The following RSPO4 variants were observed in gnomAD, a reference collection of about 807,000 sequenced individuals.
The protein encoded by RSPO4 is R-spondin 4, also known as R-spondin-4.
A neutral mutation model predicts 24.8 loss-of-function variants in RSPO4; 23 were observed. The observed-to-expected ratio is 0.93, with a 90% CI of 0.67 to 1.31. RSPO4 has a LOEUF of 1.31. Among genes scored for constraint, RSPO4 ranks in the 40% most tolerant of loss-of-function variants. The pLI, the probability that RSPO4 is intolerant of heterozygous loss-of-function variation, is 0.00. For missense variants in RSPO4, 333 were observed against 316.5 expected, an observed-to-expected ratio of 1.05 and a Z score of -0.39; for synonymous variants, 141 against 127.4, an observed-to-expected ratio of 1.11 and a Z score of -0.72.
At chr20:975,633 TA>T (rs1984538541) in intron 1 of RSPO4, among the ~76,000 whole-genome samples, 1 of 152,190 alleles carries the variant, frequency 6.6e-6, no homozygotes, top group Non-Finnish European at 1.5e-5. Context: ...TGCAAAGTGA[TA>T]AAGGCTTATG....
At chr20:977,629 G>C (rs1004016878) in intron 1 of RSPO4, among the ~76,000 whole-genome samples, 1 of 152,178 alleles carries the variant, frequency 6.6e-6, no homozygotes, top group Admixed American at 6.5e-5. Flanking sequence ...TGGGGGTAGA[G>C]TTTCTTCATA....
At chr20:966,348 A>G (rs1367029965) in intron 3 of RSPO4, among the ~76,000 whole-genome samples, 2 of 152,174 alleles carry the variant, frequency 1.3e-5, no homozygotes, top group Non-Finnish European at 2.9e-5. Flanking sequence ...CGTACTGAGC[A>G]TCTACTGTGT....
At chr20:968,224 T>C (rs1234228171) in intron 1 of RSPO4, 86 bp from the exon 2 acceptor site, 1 of 1,277,324 alleles carries the variant, frequency 7.8e-7, no homozygotes, top group African/African-American at 1.5e-5. Flanking sequence ...ATGGTCTCAT[T>C]GGGATAGTAA....
In RSPO4 at chr20:967,216, G is replaced by C. The variant is rs201485021; in HGVS notation, c.367C>G (p.Pro123Ala). 2.7e-4 allele frequency: 440 copies of C among 1,614,150 alleles called. 1 individual carries two copies. Among genetic ancestry groups the C allele is most frequent in the Middle Eastern group, 1.5e-3 (9 of 6,062 alleles). Residue 123 changes from proline (P) to alanine (A), a missense_variant, in exon 3 of 5, where the codon CCG becomes GCG. By Grantham distance (27) the Pro-to-Ala change is conservative (BLOSUM62 -1). Transcript: ENST00000217260. ...LYKGKCLPTC[P>A]PGTLAHQNTR... ...TTCTGGTGGGCCAAAGTGCCCGGCG[G>C]GCAGGTGGGCAGACACTTCCCCTTG...
chr20:963,222 T>G (rs1984063006), intron 4 of RSPO4, among the ~76,000 whole-genome samples: 1 of 152,188 alleles, frequency 6.6e-6, no homozygotes, highest in African/African-American at 2.4e-5. Flanking sequence ...CCCTGTTCCA[T>G]CCAGTTCTCT....
chr20:988,110 C>T (rs796522325), intron 1 of RSPO4, among the ~76,000 whole-genome samples: 13 of 152,300 alleles, frequency 8.5e-5, no homozygotes, highest in African/African-American at 2.4e-4. Context: ...AGCCCAGAAG[C>T]GGCAAAGAAC....
intron 1 of RSPO4, 149 bp from the exon 2 acceptor site, chr20:968,287 A>G (rs566765984): frequency 4.3e-6 from 3 of 695,470 alleles, no homozygotes; most frequent in South Asian, 3.5e-5. Flanking sequence ...TTCCCTTACA[A>G]CTAGATATGG....
At chr20:967,360 A>T in intron 2 of RSPO4, 46 bp from the exon 3 acceptor site, 1 of 1,609,476 alleles carries the variant, frequency 6.2e-7, no homozygotes, top group Non-Finnish European at 8.5e-7. Flanking sequence ...ACTGCCAAGG[A>T]TGGGGCCCAC....
intron 3 of RSPO4, among the ~76,000 whole-genome samples, 172 bp from the exon 4 acceptor site, chr20:964,292 G>A (rs1280671135): frequency 1.3e-5 from 2 of 152,218 alleles, no homozygotes; most frequent in Non-Finnish European, 2.9e-5. Flanking sequence ...AGAGCGAAAC[G>A]AATGCATGCA....
In RSPO4 at chr20:984,186, C is replaced by T. The variant is rs375487855; in HGVS notation, c.80-16048G>A. ...CCCCGTCTCTACTAAAAACACAAAA[C>T]ACCTGCACCAGGTGTGGTGGTGCGC... On this transcript the variant is annotated intron_variant, in intron 1 of 4. Transcript: ENST00000217260. Among the ~76,000 whole-genome samples, 212 of 151,996 alleles carry T rather than the reference C, an allele frequency of 1.4e-3. 1 individual carries two copies. The highest frequency in any genetic ancestry group is 4.8e-3 in the African/African-American group (197 of 41,464).
Position 968,038 on chromosome 20 carries a change from C to T in RSPO4, c.180G>A (p.Arg60=), listed in dbSNP as rs928457646. 2 of 1,614,106 alleles carry T rather than the reference C, an allele frequency of 1.2e-6. No homozygotes were observed. Among genetic ancestry groups the T allele is most frequent in the Non-Finnish European group, 1.7e-6 (2 of 1,180,058 alleles). Residue 60 remains arginine (R), a synonymous_variant, in exon 2 of 5, where the codon CGG becomes CGA. Coordinates refer to ENST00000217260, the MANE Select transcript of RSPO4 (RefSeq NM_001029871.4). ...ACTTGCCGTACTGGCGGATGCCTTC[C>T]CGGCGGATGAACAGGAAGAGCCTCT... The part of the protein sequence containing the change: ...CQQRLFLFIR[R]EGIRQYGKCL...
At chr20:978,015 A>G (rs1984619753) in intron 1 of RSPO4, among the ~76,000 whole-genome samples, 1 of 152,152 alleles carries the variant, frequency 6.6e-6, no homozygotes, top group South Asian at 2.1e-4. Context: ...ATTTCTGCCT[A>G]GGGGTAGATT....
chr20:978,716 T>G (rs1453954169), intron 1 of RSPO4, among the ~76,000 whole-genome samples: 1 of 151,956 alleles, frequency 6.6e-6, no homozygotes, highest in Non-Finnish European at 1.5e-5. Flanking sequence ...ACTGGAGACA[T>G]CAGGGGTGGT....
chr20:958,910 C>G lies in RSPO4; in HGVS notation c.*1447G>C, dbSNP rs940874109. On this transcript the variant is annotated 3_prime_UTR_variant, in exon 5 of 5. Transcript: ENST00000217260. ...AATACAAATCCCGTTTCTGAGGATT[C>G]CGGGGAGCAGAGCAGGAAGGGGGTG... 4 of 152,474 alleles carry G rather than the reference C, an allele frequency of 2.6e-5. No homozygotes were observed. The highest frequency in any genetic ancestry group is 7.2e-5 in the African/African-American group (3 of 41,410). The allele number at this position is 152,474 out of a possible 1,614,324, so 9.4% of individuals were successfully genotyped here.
At chr20:1,000,811 A>AG (rs1052502516) in intron 1 of RSPO4, among the ~76,000 whole-genome samples, 26 of 152,140 alleles carry the variant, frequency 1.7e-4, no homozygotes, top group African/African-American at 6.3e-4. Flanking sequence ...ACGCCTCTCT[A>AG]GTCCCTTGTC....
Position 963,984 on chromosome 20 carries a change from C to G in RSPO4, c.546G>C (p.Gln182His). 2 of 1,614,044 alleles carry G rather than the reference C, an allele frequency of 1.2e-6. No homozygotes were observed. Among genetic ancestry groups the G allele is most frequent in the Non-Finnish European group, 1.7e-6 (2 of 1,180,040 alleles). Residue 182 changes from glutamine (Q) to histidine (H), a missense_variant, in exon 4 of 5, where the codon CAG (glutamine) becomes CAC (histidine). Transcript: ENST00000217260. Reference protein sequence around the residue: ...RAGHEEAATCQVLSESRKCPI... With the variant: ...RAGHEEAATCHVLSESRKCPI... ...GACATTTCCTTGACTCAGAAAGCACCTGGCAGGTGGCTGCCTCCTCATGCC... is the reference window on the plus strand; with the variant it reads ...GACATTTCCTTGACTCAGAAAGCACGTGGCAGGTGGCTGCCTCCTCATGCC...
At chr20:1,000,415 G>T (rs1985425604) in intron 1 of RSPO4, among the ~76,000 whole-genome samples, 1 of 152,152 alleles carries the variant, frequency 6.6e-6, no homozygotes, top group African/African-American at 2.4e-5. Flanking sequence ...ACAGTGGACA[G>T]GAAATGAGAA....
Position 960,393 on chromosome 20 carries a change from C to T in RSPO4, c.669G>A (p.Leu223=), listed in dbSNP as rs1208216812. The change falls in exon 5 of 5, where the codon CTG becomes CTA. Residue 223 remains leucine (L), a synonymous_variant. Transcript: ENST00000217260. ...PRKDRKLDRR[L]DVRPRQPGLQ... Reference sequence around the variant, plus strand: ...GGCCGGGCTGGCGCGGCCTCACGTCCAGCCTGCGGTCCAGCTTCCTGTCCT... The same window carrying T: ...GGCCGGGCTGGCGCGGCCTCACGTCTAGCCTGCGGTCCAGCTTCCTGTCCT... The T allele has an allele frequency of 6.5e-7, 1 of 1,538,804 alleles. No individual in the cohort carries two copies. Among genetic ancestry groups the T allele is most frequent in the Non-Finnish European group, 8.7e-7 (1 of 1,147,412 alleles).
intron 1 of RSPO4, among the ~76,000 whole-genome samples, chr20:990,372 T>C (rs1340122435): frequency 6.6e-6 from 1 of 152,166 alleles, no homozygotes; most frequent in Non-Finnish European, 1.5e-5. Flanking sequence ...GAGCCCTTAG[T>C]AGCAACCTCC....
Sources: gnomAD v4.1 joint callset for allele counts (sites outside exome capture counted in the v4.1 genomes callset) on GRCh38, gnomAD v4.1.1 for gene constraint, MANE v1.5 for transcripts, NCBI Gene and HGNC (gene_info 2026-07-23, HGNC 2026-07-21) for gene names.